The following JPH2 variants were observed in gnomAD, a reference collection of about 807,000 sequenced individuals.
The protein encoded by JPH2 is junctophilin 2.
A neutral mutation model predicts 55.9 loss-of-function variants in JPH2; 38 were observed. The ratio of observed to expected loss-of-function variants is 0.68; its 90% CI spans 0.52 to 0.89. The LOEUF (loss-of-function observed/expected upper bound fraction) is 0.89. JPH2 is among the 40% of genes least tolerant of loss of function. The probability of loss-of-function intolerance (pLI) is 0.00; values close to 1 mark genes in which losing one functional copy is unlikely to be tolerated. For missense variants in JPH2, 964 were observed against 1,037.6 expected (o/e 0.93, Z 0.97); for synonymous variants, 480 against 472.4 (o/e 1.02, Z -0.21).
intron 1 of JPH2, among the ~76,000 whole-genome samples, chr20:44,167,740 C>T (rs933379303): frequency 1.3e-5 from 2 of 152,178 alleles, no homozygotes; most frequent in African/African-American, 4.8e-5. Context: ...CTATTTAAGC[C>T]TGCGGAGCCT....
At chr20:44,171,471 C>T (rs1284087089) in intron 1 of JPH2, among the ~76,000 whole-genome samples, 1 of 152,090 alleles carries the variant, frequency 6.6e-6, no homozygotes, top group African/African-American at 2.4e-5. Flanking sequence ...GAAGGGGTAG[C>T]CTAGAATCTA....
At chr20:44,179,946 G>A (rs2145897953) in intron 1 of JPH2, among the ~76,000 whole-genome samples, 1 of 152,352 alleles carries the variant, frequency 6.6e-6, no homozygotes, top group South Asian at 2.1e-4. Context: ...CAGGCTGGGT[G>A]CAGTGGCTCA....
chr20:44,171,203 G>A (rs899030616), intron 1 of JPH2, among the ~76,000 whole-genome samples: 14 of 152,166 alleles, frequency 9.2e-5, no homozygotes, highest in African/African-American at 2.4e-4. Context: ...GGAAGAGCAC[G>A]TGTAAGGAAG....
chr20:44,127,313 G>A (rs182420110), intron 2 of JPH2, among the ~76,000 whole-genome samples: 12 of 152,194 alleles, frequency 7.9e-5, no homozygotes, highest in Non-Finnish European at 1.3e-4. Context: ...TTCCTCTTGA[G>A]TATATACCTA....
intron 1 of JPH2, among the ~76,000 whole-genome samples, chr20:44,179,634 T>C (rs1164694112): frequency 6.6e-6 from 1 of 152,206 alleles, no homozygotes; most frequent in Non-Finnish European, 1.5e-5. Flanking sequence ...GTTGTCCCCA[T>C]CTTAAAATTC....
At chr20:44,156,814 G>A (rs2072569428) in intron 2 of JPH2, among the ~76,000 whole-genome samples, 1 of 152,140 alleles carries the variant, frequency 6.6e-6, no homozygotes, top group Non-Finnish European at 1.5e-5. Flanking sequence ...GTTTTGGAGG[G>A]GATAAACATT....
chr20:44,152,225 T>C (rs2072536262), intron 2 of JPH2, among the ~76,000 whole-genome samples: 1 of 152,216 alleles, frequency 6.6e-6, no homozygotes, highest in Non-Finnish European at 1.5e-5. Flanking sequence ...TTAAGAGCAT[T>C]CTAGAACCAG....
At chr20:44,140,212 C>T (rs1311293369) in intron 2 of JPH2, among the ~76,000 whole-genome samples, 3 of 152,168 alleles carry the variant, frequency 2.0e-5, no homozygotes, top group African/African-American at 4.8e-5. Context: ...ACCAGTAGGG[C>T]CTCTTAGGGC....
chr20:44,186,308 G>A lies in JPH2; in HGVS notation c.379+19C>T, dbSNP rs776341751. On this transcript the variant is annotated intron_variant, in intron 1 of 5. Transcript: ENST00000372980. ...TCCCTGGCTCCACCCCACCTCTGCG[G>A]GCCCCCAGCTGGCCTCACCTCCATC... 1.2e-5 allele frequency: 20 copies of A among 1,608,190 alleles called. No homozygotes were observed. Among genetic ancestry groups the A allele is most frequent in the Non-Finnish European group, 1.4e-5 (16 of 1,179,700 alleles).
At chr20:44,123,673 AC>A (rs1222389490) in intron 2 of JPH2, among the ~76,000 whole-genome samples, 1 of 151,856 alleles carries the variant, frequency 6.6e-6, no homozygotes, top group African/African-American at 2.4e-5. Flanking sequence ...GCAGTCCGTG[AC>A]CCCCACCCAG....
intron 1 of JPH2, among the ~76,000 whole-genome samples, chr20:44,179,487 G>C (rs901555028): frequency 2.6e-5 from 4 of 152,140 alleles, no homozygotes; most frequent in Non-Finnish European, 5.9e-5. Flanking sequence ...GCCGGAGTCT[G>C]GTACATAGTA....
chr20:44,127,882 G>C (rs2072288811), intron 2 of JPH2, among the ~76,000 whole-genome samples: 1 of 152,170 alleles, frequency 6.6e-6, no homozygotes, highest in Admixed American at 6.5e-5. Context: ...AATGGATGTT[G>C]AGCATCTATG....
chr20:44,162,767 TATATATATATATATATATATACACAC>T (rs1431967873), intron 1 of JPH2, among the ~76,000 whole-genome samples: 2 of 75,354 alleles, frequency 2.7e-5, no homozygotes, highest in Non-Finnish European at 5.1e-5. Context: ...TATATATATA[TATATATATATATATATATATACACAC>T]ACACACACAC....
rs2145832028 is a variant in JPH2, at chr20:44,107,491, T to G, written c.*6027A>C. ...ATGTGTGCTGTTTTCCTGGTGAAAGTTTTTAGGAAGCAAATTCCATCCTCC... is the reference window on the plus strand; with the variant it reads ...ATGTGTGCTGTTTTCCTGGTGAAAGGTTTTAGGAAGCAAATTCCATCCTCC... On this transcript the variant is annotated 3_prime_UTR_variant, in exon 6 of 6. Coordinates refer to ENST00000372980, the MANE Select transcript of JPH2 (RefSeq NM_020433.5). 6.6e-6 allele frequency among the ~76,000 whole-genome samples: 1 copy of G among 152,262 alleles called. No homozygotes were observed. Among genetic ancestry groups the G allele is most frequent in the African/African-American group, 2.4e-5 (1 of 41,542 alleles).
intron 1 of JPH2, among the ~76,000 whole-genome samples, chr20:44,181,177 G>C (rs1202337415): frequency 6.6e-6 from 1 of 152,122 alleles, no homozygotes; most frequent in Non-Finnish European, 1.5e-5. Flanking sequence ...CTAGAGGACA[G>C]GGAGGGGTCG....
chr20:44,170,316 C>A (rs2072687744), intron 1 of JPH2, among the ~76,000 whole-genome samples: 1 of 152,220 alleles, frequency 6.6e-6, no homozygotes, highest in Non-Finnish European at 1.5e-5. Context: ...TCTTACTTCC[C>A]ATGGCAGCTC....
At chr20:44,132,347 G>GACACACAC (rs1440487442) in intron 2 of JPH2, among the ~76,000 whole-genome samples, 7 of 88,828 alleles carry the variant, frequency 7.9e-5, no homozygotes, top group African/African-American at 2.9e-4. Context: ...AAGGGAGGCA[G>GACACACAC]ACAGACAGAC....
At chr20:44,171,283 T>A (rs2072695939) in intron 1 of JPH2, among the ~76,000 whole-genome samples, 2 of 152,212 alleles carry the variant, frequency 1.3e-5, no homozygotes. Context: ...CAGGGGGATT[T>A]AAGCTGGTAT....
chr20:44,111,095 T>C lies in JPH2; in HGVS notation c.*2423A>G, dbSNP rs2072139898. On this transcript the variant is annotated 3_prime_UTR_variant, in exon 6 of 6. Transcript: ENST00000372980. ...TGCTGTGTGCGTGACCTTGGGCAAG[T>C]CCCTCTGCTCTAAGCCTCTGTGGAA... Among the ~76,000 whole-genome samples, 1 of 152,224 alleles carries C rather than the reference T, an allele frequency of 6.6e-6. No individual in the cohort carries two copies.
Sources: gnomAD v4.1 joint callset for allele counts (sites outside exome capture counted in the v4.1 genomes callset) on GRCh38, gnomAD v4.1.1 for gene constraint, MANE v1.5 for transcripts, NCBI Gene and HGNC (gene_info 2026-07-23, HGNC 2026-07-21) for gene names.